YARS1: variants seen among roughly 807,000 people sequenced by gnomAD.
YARS1 encodes tyrosine--tRNA ligase, cytoplasmic.
A neutral mutation model predicts 62.2 loss-of-function variants in YARS1; 36 were observed. That is an observed-to-expected ratio of 0.58 (90% confidence interval 0.44 to 0.76). YARS1 has a LOEUF of 0.76. YARS1 is among the 30% of genes least tolerant of loss of function. The probability of loss-of-function intolerance (pLI) is 0.00; values close to 1 mark genes in which losing one functional copy is unlikely to be tolerated. For synonymous variants in YARS1, 234 were observed against 244.9 expected (o/e 0.96, Z 0.42); for missense variants, 524 against 639.8 (o/e 0.82, Z 1.95).
At position 32,786,369 on chromosome 1, in the gene YARS1, G is replaced by A. The variant is rs1653226667; in HGVS notation, c.899C>T (p.Ala300Val). ...CTTTTCCTTTCATGTTACCTCAGCA[G>A]CAAAGTCCTTTTCCAGGTCCACGTA... Reference protein sequence around the residue: ...TAYVDLEKDFAAEVVHPGDLK... With the variant: ...TAYVDLEKDFVAEVVHPGDLK... The change falls in exon 8 of 13, where the codon GCT (alanine) becomes GTT (valine). Residue 300 changes from alanine to valine, a missense_variant. Coordinates refer to ENST00000373477, the MANE Select transcript of YARS1 (RefSeq NM_003680.4). 1.9e-6 allele frequency: 3 copies of A among 1,613,904 alleles called. No individual in the cohort carries two copies. Among genetic ancestry groups the A allele is most frequent in the Non-Finnish European group, 2.5e-6 (3 of 1,179,934 alleles).
intron 4 of YARS1, among the ~76,000 whole-genome samples, chr1:32,801,494 G>T (rs1358323822): frequency 6.6e-6 from 1 of 152,190 alleles, no homozygotes; most frequent in African/African-American, 2.4e-5. Context: ...CTTCTTGCTG[G>T]TGGAGGGTCT....
At chr1:32,779,649 C>A in intron 11 of YARS1, 126 bp from the exon 12 acceptor site, 1 of 1,232,386 alleles carries the variant, frequency 8.1e-7, no homozygotes, top group Non-Finnish European at 1.2e-6. Context: ...AGTACCAGAG[C>A]CCCAGGAGGT....
intron 4 of YARS1, among the ~76,000 whole-genome samples, chr1:32,800,305 C>T (rs889170819): frequency 6.6e-6 from 1 of 151,928 alleles, no homozygotes; most frequent in Non-Finnish European, 1.5e-5. Context: ...TGGAAAATAT[C>T]TCTTTGAGGT....
In YARS1 at chr1:32,810,608, A is replaced by G. The variant is rs1201696018; in HGVS notation, c.363T>C (p.Thr121=). The change falls in exon 3 of 13, where the codon ACT becomes ACC. Residue 121 remains threonine, a synonymous_variant. Transcript: ENST00000373477. ...GCACTTACTTGCTGAGCTGGTAATC[A>G]GTGCCTTTGATGAACTTGAGCTTCT... ...PLEKLKFIKG[T]DYQLSKEYTL... 4 of 1,612,968 alleles carry G rather than the reference A, an allele frequency of 2.5e-6. No individual in the cohort carries two copies. Among genetic ancestry groups the G allele is most frequent in the Non-Finnish European group, 3.4e-6 (4 of 1,180,028 alleles).
intron 11 of YARS1, chr1:32,779,817 C>G (rs1426496677): frequency 1.3e-5 from 8 of 606,416 alleles, no homozygotes; most frequent in Non-Finnish European, 2.3e-5. Context: ...GATTTGAATC[C>G]CTGCTCCACT....
At chr1:32,810,319 T>C (rs1423582848) in intron 3 of YARS1, among the ~76,000 whole-genome samples, 3 of 152,318 alleles carry the variant, frequency 2.0e-5, no homozygotes, top group South Asian at 2.1e-4. Context: ...CACTCTCCCA[T>C]ATGCTGTGAG....
intron 5 of YARS1, among the ~76,000 whole-genome samples, chr1:32,796,626 G>A (rs943152847): frequency 1.3e-5 from 2 of 150,280 alleles, no homozygotes; most frequent in South Asian, 2.1e-4. Flanking sequence ...GCCTCCCAAC[G>A]TGCTAGGATT....
At chr1:32,810,289 G>A (rs1245920934) in intron 3 of YARS1, among the ~76,000 whole-genome samples, 1 of 152,118 alleles carries the variant, frequency 6.6e-6, no homozygotes, top group Non-Finnish European at 1.5e-5. Flanking sequence ...AAGAGAAAGG[G>A]AGGCTGAATT....
At chr1:32,805,870 G>C (rs1229485729) in intron 4 of YARS1, among the ~76,000 whole-genome samples, 1 of 152,162 alleles carries the variant, frequency 6.6e-6, no homozygotes, top group East Asian at 1.9e-4. Context: ...GGCTGAGGCA[G>C]AGAATTGCTT....
At position 32,775,813 on chromosome 1, in the gene YARS1, G is replaced by A; in HGVS notation, c.*168C>T. On this transcript the variant is annotated 3_prime_UTR_variant, in exon 13 of 13. Coordinates refer to ENST00000373477, the MANE Select transcript of YARS1 (RefSeq NM_003680.4). ...CACTGCAGCCAGACAGGATGATCCTGGGTTCTGGGGAGGGTAAGCTGCCCC... is the reference window on the plus strand; with the variant it reads ...CACTGCAGCCAGACAGGATGATCCTAGGTTCTGGGGAGGGTAAGCTGCCCC... The A allele has an allele frequency of 1.5e-6, 1 of 663,104 alleles. No individual in the cohort carries two copies. The highest frequency in any genetic ancestry group is 2.7e-6 in the Non-Finnish European group (1 of 373,142). The allele number at this position is 663,104 out of a possible 1,614,324, so 41.1% of individuals were successfully genotyped here. A position where few individuals can be genotyped will look rare whatever the true frequency, so the allele number is the denominator to read the frequency against.
rs769592872 is a variant in YARS1 at position 32,779,410 on chromosome 1, G to A, written c.1448C>T (p.Pro483Leu). 13 of 1,614,080 alleles carry A rather than the reference G, an allele frequency of 8.1e-6. No homozygotes were observed. In the African/African-American group the frequency reaches 1.6e-4, roughly 20 times the overall value. The change falls in exon 12 of 13, where the codon CCC becomes CTC. Residue 483 changes from proline to leucine, a missense_variant. Transcript: ENST00000373477. ...CAACTTCTCGAAGACTTTCTTCTTGGGCTTGAGCTCCTCATCTGGTTGGCC... is the reference window on the plus strand; with the variant it reads ...CAACTTCTCGAAGACTTTCTTCTTGAGCTTGAGCTCCTCATCTGGTTGGCC... ...EKGQPDEELK[P>L]KKKVFEKLQA...
intron 6 of YARS1, among the ~76,000 whole-genome samples, chr1:32,787,521 T>G (rs1653269120): frequency 6.7e-6 from 1 of 150,374 alleles, no homozygotes. Flanking sequence ...GATTTTTTTT[T>G]TTTTTTGAGA....
intron 12 of YARS1, among the ~76,000 whole-genome samples, chr1:32,778,441 C>T: frequency 6.7e-6 from 1 of 150,296 alleles, no homozygotes. Flanking sequence ...CAGAGTCTCA[C>T]TCTGTCGCTT....
At chr1:32,787,096 G>C (rs1028122752) in intron 6 of YARS1, 21 bp from the exon 7 acceptor site, 6 of 1,613,844 alleles carry the variant, frequency 3.7e-6, no homozygotes, top group Admixed American at 3.3e-5. Context: ...TAGAACGGAA[G>C]AGGACCTCTT....
In YARS1 at chr1:32,775,742, G is replaced by C; in HGVS notation, c.*239C>G. ...CCAGCTGCCAAGGGAAGAAGGTAGG[G>C]CTGGACTCCCTGCTGTGGCCCAGCC... On this transcript the variant is annotated 3_prime_UTR_variant, in exon 13 of 13. Transcript: ENST00000373477. 1.7e-6 allele frequency: 1 copy of C among 581,016 alleles called. No homozygotes were observed. Among genetic ancestry groups the C allele is most frequent in the South Asian group, 2.1e-5 (1 of 48,232 alleles). The allele number at this position is 581,016 out of a possible 1,614,324, so 36.0% of individuals were successfully genotyped here. A position where few individuals can be genotyped will look rare whatever the true frequency, so the allele number is the denominator to read the frequency against.
In YARS1 at chr1:32,775,803, G is replaced by T; in HGVS notation, c.*178C>A. On this transcript the variant is annotated 3_prime_UTR_variant, in exon 13 of 13. Coordinates refer to ENST00000373477, the MANE Select transcript of YARS1 (RefSeq NM_003680.4). Reference sequence around the variant, plus strand: ...GTTGGTCTCTCACTGCAGCCAGACAGGATGATCCTGGGTTCTGGGGAGGGT... The same window carrying T: ...GTTGGTCTCTCACTGCAGCCAGACATGATGATCCTGGGTTCTGGGGAGGGT... 1 of 645,208 alleles carries T rather than the reference G, an allele frequency of 1.5e-6. No individual in the cohort carries two copies. The highest frequency in any genetic ancestry group is 2.8e-6 in the Non-Finnish European group (1 of 360,690). 40.0% of individuals were successfully genotyped at this position (645,208 alleles called of 1,614,324 possible). A position where few individuals can be genotyped will look rare whatever the true frequency, so the allele number is the denominator to read the frequency against.
At chr1:32,791,780 C>T (rs530072923) in intron 5 of YARS1, among the ~76,000 whole-genome samples, 7 of 152,020 alleles carry the variant, frequency 4.6e-5, no homozygotes, top group African/African-American at 9.6e-5. Flanking sequence ...CCAGCCTGGG[C>T]GACAAGAGCG....
intron 5 of YARS1, 108 bp from the exon 6 acceptor site, chr1:32,791,362 C>A: frequency 1.1e-6 from 1 of 879,106 alleles, no homozygotes; most frequent in East Asian, 2.4e-5. Flanking sequence ...ATATTGCTTC[C>A]AATCTTTTTA....
intron 5 of YARS1, among the ~76,000 whole-genome samples, chr1:32,796,067 G>C (rs1295883081): frequency 6.6e-6 from 1 of 152,028 alleles, no homozygotes; most frequent in Non-Finnish European, 1.5e-5. Flanking sequence ...GGCTGAGATG[G>C]GTGGATCATG....
Sources: allele counts gnomAD v4.1 joint callset (sites outside exome capture counted in the v4.1 genomes callset), GRCh38; gene constraint gnomAD v4.1.1; transcripts MANE v1.5; gene names NCBI Gene and HGNC (gene_info 2026-07-23, HGNC 2026-07-21).